Variants in TRIM9 observed in about 807,000 individuals in gnomAD.
TRIM9 encodes tripartite motif containing 9.
TRIM9 carries 26 observed loss-of-function variants against 78.3 expected under a neutral mutation model. The ratio of observed to expected loss-of-function variants is 0.33; its 90% CI spans 0.24 to 0.46. The LOEUF is 0.46. Ranked by LOEUF, TRIM9 falls within the 20% of genes least tolerant of loss-of-function variation. The pLI is 1.00. For missense variants in TRIM9, 787 were observed against 1,036.4 expected, an observed-to-expected ratio of 0.76 and a Z score of 3.30; for synonymous variants, 398 against 416.5, an observed-to-expected ratio of 0.96 and a Z score of 0.54.
chr14:51,026,325 C>T (rs1469548528), intron 1 of TRIM9, among the ~76,000 whole-genome samples: 2 of 152,122 alleles, frequency 1.3e-5, no homozygotes, highest in Non-Finnish European at 2.9e-5. Context: ...CATCTTTGAG[C>T]AGCTGAGTCA....
intron 1 of TRIM9, among the ~76,000 whole-genome samples, chr14:51,065,850 G>T (rs536721454): frequency 5.5e-4 from 84 of 152,002 alleles, no homozygotes; most frequent in African/African-American, 1.9e-3. Context: ...ACTTGAAGAG[G>T]GTGCTTTGAC....
At chr14:50,994,806 T>C (rs1216807967) in intron 7 of TRIM9, among the ~76,000 whole-genome samples, 1 of 152,220 alleles carries the variant, frequency 6.6e-6, no homozygotes, top group Non-Finnish European at 1.5e-5. Context: ...AAGATACCCA[T>C]GACCAAGTTT....
chr14:50,990,302 C>T (rs1444763460), intron 7 of TRIM9, among the ~76,000 whole-genome samples: 3 of 152,184 alleles, frequency 2.0e-5, no homozygotes, highest in East Asian at 1.9e-4. Flanking sequence ...CAGGCATGAG[C>T]CATGGCACCC....
intron 12 of TRIM9, among the ~76,000 whole-genome samples, chr14:50,978,581 C>G (rs1357832366): frequency 6.6e-6 from 1 of 152,196 alleles, no homozygotes; most frequent in African/African-American, 2.4e-5. Flanking sequence ...TAAGCCCTAC[C>G]TACGCAATAC....
intron 1 of TRIM9, among the ~76,000 whole-genome samples, chr14:51,034,064 A>T (rs935680915): frequency 2.0e-5 from 3 of 152,122 alleles, no homozygotes; most frequent in African/African-American, 7.2e-5. Flanking sequence ...ATGACTTTTC[A>T]AACTGGTAAT....
chr14:51,094,129 T>C lies in TRIM9; in HGVS notation c.811A>G (p.Lys271Glu). Residue 271 changes from lysine to glutamate, a missense_variant, in exon 1 of 13, where the codon AAA becomes GAA. By Grantham distance (56) the Lys-to-Glu change is moderately conservative. This residue lies in a region of TRIM9 where 352 missense variants were observed against 472.3 expected (regional missense o/e 0.75). Coordinates refer to ENST00000684578, the MANE Select transcript of TRIM9 (RefSeq NM_001387360.1). ...HEVKALGAMWKLHKSQLSQAL... is the reference protein window; with the variant it reads ...HEVKALGAMWELHKSQLSQAL... ...TTCTTAGGACTCACCTTATGTAGTT[T>C]CCACATGGCCCCCAGAGCCTTGACT... 6.2e-7 allele frequency: 1 copy of C among 1,612,892 alleles called. No individual in the cohort carries two copies. The highest frequency in any genetic ancestry group is 8.5e-7 in the Non-Finnish European group (1 of 1,179,068).
Position 51,095,034 on chromosome 14 carries a change from C to T in TRIM9, c.-95G>A. On this transcript the variant is annotated 5_prime_UTR_variant, in exon 1 of 13. Transcript: ENST00000684578. Reference sequence around the variant, plus strand: ...CCGTCTTGTCCAGCACCCTGGCCAGCGGCGGCGGCTGTGGTGGTGGTGCCT... The same window carrying T: ...CCGTCTTGTCCAGCACCCTGGCCAGTGGCGGCGGCTGTGGTGGTGGTGCCT... 1.0e-6 allele frequency: 1 copy of T among 960,422 alleles called. No homozygotes were observed. The highest frequency in any genetic ancestry group is 1.4e-6 in the Non-Finnish European group (1 of 720,088). 59.5% of individuals were successfully genotyped at this position (960,422 alleles called of 1,614,324 possible). A position where few individuals can be genotyped will look rare whatever the true frequency, so the allele number is the denominator to read the frequency against.
chr14:50,996,593 C>T (rs2054232849), intron 7 of TRIM9: 1 of 985,330 alleles, frequency 1.0e-6, no homozygotes, highest in South Asian at 4.7e-5. Flanking sequence ...ATCAAACCAC[C>T]TTGTACACAC....
At chr14:51,064,880 A>G (rs1268454831) in intron 1 of TRIM9, among the ~76,000 whole-genome samples, 1 of 152,112 alleles carries the variant, frequency 6.6e-6, no homozygotes. Flanking sequence ...ATCATAAATT[A>G]TATCATAAAT....
At chr14:51,042,316 G>A (rs1471430485) in intron 1 of TRIM9, among the ~76,000 whole-genome samples, 1 of 152,114 alleles carries the variant, frequency 6.6e-6, no homozygotes, top group Non-Finnish European at 1.5e-5. Flanking sequence ...TGTCCCCTCA[G>A]CCTATCCTCT....
intron 5 of TRIM9, among the ~76,000 whole-genome samples, chr14:51,005,470 G>A (rs1231040432): frequency 6.6e-6 from 1 of 152,186 alleles, no homozygotes; most frequent in African/African-American, 2.4e-5. Context: ...CATGACTCAT[G>A]AATCTTGGGA....
At chr14:51,049,859 A>T (rs1044357172) in intron 1 of TRIM9, among the ~76,000 whole-genome samples, 2 of 151,790 alleles carry the variant, frequency 1.3e-5, no homozygotes, top group African/African-American at 2.4e-5. Flanking sequence ...AAATAAAAAG[A>T]TTATTATTAT....
chr14:51,050,857 G>A (rs891922355), intron 1 of TRIM9, among the ~76,000 whole-genome samples: 17 of 152,050 alleles, frequency 1.1e-4, no homozygotes, highest in Admixed American at 7.9e-4. Flanking sequence ...TGCCAGCCAC[G>A]TGAGTGAGCC....
chr14:51,002,122 TG>T (rs575741165), intron 5 of TRIM9, among the ~76,000 whole-genome samples: 5,184 of 152,152 alleles, frequency 0.034, 141 homozygotes, highest in African/African-American at 0.063. Context: ...TGTGTGTGTG[TG>T]TGTTTTTCTT....
intron 1 of TRIM9, among the ~76,000 whole-genome samples, chr14:51,088,438 C>T (rs772362989): frequency 6.6e-6 from 1 of 152,136 alleles, no homozygotes; most frequent in Admixed American, 6.5e-5. Context: ...CTATGGAAAA[C>T]TCGTGGGAGC....
intron 1 of TRIM9, among the ~76,000 whole-genome samples, chr14:51,038,503 A>T (rs932041514): frequency 2.0e-5 from 3 of 152,182 alleles, no homozygotes; most frequent in Non-Finnish European, 2.9e-5. Flanking sequence ...ACCTGCTCAG[A>T]ATATGCATCT....
intron 1 of TRIM9, among the ~76,000 whole-genome samples, chr14:51,078,433 C>T (rs2062998804): frequency 6.6e-6 from 1 of 151,992 alleles, no homozygotes; most frequent in East Asian, 1.9e-4. Flanking sequence ...TGGAAACAAC[C>T]TAAGTGTACA....
At chr14:51,071,583 G>A (rs1266986870) in intron 1 of TRIM9, among the ~76,000 whole-genome samples, 8 of 151,842 alleles carry the variant, frequency 5.3e-5, no homozygotes, top group Non-Finnish European at 8.8e-5. Flanking sequence ...TAGGATGATC[G>A]CTTGAGCTCA....
chr14:50,982,961 G>A lies in TRIM9; in HGVS notation c.1839C>T (p.Asp613=). The A allele has an allele frequency of 1.3e-6, 2 of 1,549,036 alleles. No homozygotes were observed. The highest frequency in any genetic ancestry group is 8.7e-7 in the Non-Finnish European group (1 of 1,145,718). The change falls in exon 10 of 13, where the codon GAC becomes GAT. Residue 613 remains aspartate (D), a synonymous_variant. Transcript: ENST00000684578. ...CCATACCTGCCAACAGCTTTTTAAT[G>A]TCAACTGTTGTCATTCCAAGTGAAA... ...TQSAPYSQLV[D]IKKLLAVAWF... is the part of the protein sequence containing the mutation.
Sources: allele counts gnomAD v4.1 joint callset (sites outside exome capture counted in the v4.1 genomes callset), GRCh38; gene constraint gnomAD v4.1.1; regional missense constraint gnomAD v4.1.1; transcripts MANE v1.5; gene names NCBI Gene and HGNC (gene_info 2026-07-23, HGNC 2026-07-21).